Variants in FCHSD1 observed in about 807,000 individuals in gnomAD.
The protein encoded by FCHSD1 is FCH and double SH3 domains 1, also known as F-BAR and double SH3 domains protein 1.
FCHSD1 carries 109 observed loss-of-function variants against 101.3 expected under a neutral mutation model. The observed-to-expected ratio is 1.08, with a 90% CI of 0.92 to 1.26. The LOEUF (loss-of-function observed/expected upper bound fraction) is 1.26, where lower values mean the gene tolerates loss of function less well. FCHSD1 is among the 50% of genes most tolerant of loss of function. The probability of loss-of-function intolerance (pLI) is 0.00; values close to 1 mark genes in which losing one functional copy is unlikely to be tolerated. For missense variants in FCHSD1, 820 were observed against 895.8 expected (o/e 0.92, Z 1.08); for synonymous variants, 291 against 356.8 (o/e 0.82, Z 2.08).
rs2099906721 is a variant in FCHSD1, at chr5:141,640,450, GTC to G, written c.*1046_*1047del. 1 of 1,614,032 alleles carries G rather than the reference GTC, an allele frequency of 6.2e-7. No individual in the cohort carries two copies. The highest frequency in any genetic ancestry group is 8.5e-7 in the Non-Finnish European group (1 of 1,180,010). On this transcript the variant is annotated 3_prime_UTR_variant, in exon 20 of 20. Coordinates refer to ENST00000435817, the MANE Select transcript of FCHSD1 (RefSeq NM_033449.3). ...AGGGAGCAGGGAGTATGTGAGGTGAGTCTGCCTGAGCCCTAAATGAGGTAATC... is the reference window on the plus strand; with the variant it reads ...AGGGAGCAGGGAGTATGTGAGGTGAGTGCCTGAGCCCTAAATGAGGTAATC...
chr5:141,646,857 C>A, intron 10 of FCHSD1, 135 bp from the exon 11 acceptor site: 6 of 1,330,412 alleles, frequency 4.5e-6, no homozygotes, highest in Middle Eastern at 1.9e-4. Context: ...GTCATGGACA[C>A]AGGTAATGTG....
rs1364923848 is a variant in FCHSD1, at chr5:141,639,749, G to A, written c.*1749C>T. The stretch of plus-strand genomic sequence containing the variant: ...GCCTTGGCTCTTTCCTCCTGGACTG[G>A]GAGCTCCGGCAGAAGTCAGGCTACA... On this transcript the variant is annotated 3_prime_UTR_variant, in exon 20 of 20. Transcript: ENST00000435817. The surrounding 1 kb of genome is among the most constrained non-coding windows in gnomAD (Gnocchi z 4.4). The A allele has an allele frequency of 3.0e-6, 4 of 1,331,306 alleles. No individual in the cohort carries two copies. In the African/African-American group the frequency reaches 5.9e-5, roughly 20 times the overall value. 82.5% of individuals were successfully genotyped at this position (1,331,306 alleles called of 1,614,324 possible). A position where few individuals can be genotyped will look rare whatever the true frequency, so the allele number is the denominator to read the frequency against.
intron 18 of FCHSD1, chr5:141,642,494 C>T (rs748193836): frequency 4.9e-6 from 3 of 610,436 alleles, no homozygotes; most frequent in African/African-American, 1.9e-5. Context: ...AGCACATGTA[C>T]CTCCTGAATC....
At chr5:141,647,809 G>GGAGCAGAA (rs2099907850) in intron 8 of FCHSD1, 159 bp downstream of exon 8, 1 of 1,153,300 alleles carries the variant, frequency 8.7e-7, no homozygotes, top group Non-Finnish European at 1.2e-6. Flanking sequence ...ATGCCATGCA[G>GGAGCAGAA]CCAGCTAGGA....
intron 1 of FCHSD1, 61 bp downstream of exon 1, chr5:141,651,287 C>G: frequency 1.3e-6 from 2 of 1,550,162 alleles, no homozygotes; most frequent in Admixed American, 2.0e-5. Flanking sequence ...AAGTCGGATG[C>G]CCCCTTAGCT....
At position 141,649,247 on chromosome 5, in the gene FCHSD1, C is replaced by A. The variant is rs200855332; in HGVS notation, c.437G>T (p.Arg146Leu). Reference sequence around the variant, plus strand: ...CCGCTGCCCATACAGCTTCCGACTTCGGCTCAGCTCCCGGACAGACTGCAG... The same window carrying A: ...CCGCTGCCCATACAGCTTCCGACTTAGGCTCAGCTCCCGGACAGACTGCAG... ...EVLQSVRELS[R>L]SRKLYGQRER... is the part of the protein sequence containing the mutation. The change falls in exon 6 of 20, where the codon CGA becomes CTA. Residue 146 changes from arginine (R) to leucine (L), a missense_variant. By Grantham distance (102) the Arg-to-Leu change is moderately radical. Coordinates refer to ENST00000435817, the MANE Select transcript of FCHSD1 (RefSeq NM_033449.3). The surrounding 1 kb of genome is among the most constrained non-coding windows in gnomAD (Gnocchi z 4.1). The A allele has an allele frequency of 6.2e-7, 1 of 1,613,898 alleles. No homozygotes were observed. Among genetic ancestry groups the A allele is most frequent in the Non-Finnish European group, 8.5e-7 (1 of 1,179,908 alleles).
intron 17 of FCHSD1, 149 bp downstream of exon 17, chr5:141,644,069 T>C: frequency 1.3e-6 from 1 of 764,344 alleles, no homozygotes; most frequent in Non-Finnish European, 2.1e-6. Context: ...CCCTTTTCCC[T>C]GCCCCCCCAT....
At position 141,639,960 on chromosome 5, in the gene FCHSD1, G is replaced by A. The variant is rs202174311; in HGVS notation, c.*1538C>T. On this transcript the variant is annotated 3_prime_UTR_variant, in exon 20 of 20. Coordinates refer to ENST00000435817, the MANE Select transcript of FCHSD1 (RefSeq NM_033449.3). The surrounding 1 kb of genome is among the most constrained non-coding windows in gnomAD (Gnocchi z 4.4). ...CATTGAGAAGCGCTATGGACTGCACGAACACCGTGATGGCTCCCCCACAGA... is the reference window on the plus strand; with the variant it reads ...CATTGAGAAGCGCTATGGACTGCACAAACACCGTGATGGCTCCCCCACAGA... 264 of 1,614,028 alleles carry A rather than the reference G, an allele frequency of 1.6e-4. 1 individual carries two copies. In the Admixed American group the frequency reaches 2.2e-3, roughly 14 times the overall value.
rs755611664 is a variant in FCHSD1, at chr5:141,646,637, G to A, written c.1010C>T (p.Ala337Val). 1.2e-6 allele frequency: 2 copies of A among 1,613,244 alleles called. No individual in the cohort carries two copies. Among genetic ancestry groups the A allele is most frequent in the Non-Finnish European group, 1.7e-6 (2 of 1,179,678 alleles). ...ATGGTTCTGGATCTTGTAGTCACGG[G>A]CAGCTCGGCTGGTCAAGCGCTGAAC... is the stretch of plus-strand genomic sequence containing the variant. ...KEVQRLTSRA[A>V]RDYKIQNHGH... Residue 337 changes from alanine (A) to valine (V), a missense_variant, in exon 11 of 20, where the codon GCC (alanine) becomes GTC (valine). Physicochemically the swap from Ala to Val is moderately conservative, Grantham distance 64. Transcript: ENST00000435817.
Position 141,639,623 on chromosome 5 carries a change from G to C in FCHSD1, c.*1875C>G. On this transcript the variant is annotated 3_prime_UTR_variant, in exon 20 of 20. Coordinates refer to ENST00000435817, the MANE Select transcript of FCHSD1 (RefSeq NM_033449.3). This position sits in a 1 kb window ranked among gnomAD's most constrained non-coding sequence, Gnocchi z 4.4. ...AAGGAAAAAGCCGCCCCCGGACAGG[G>C]GAGACCACTGTGTTCTCTGTGGGCA... The C allele has an allele frequency of 6.2e-7, 1 of 1,611,966 alleles. No homozygotes were observed. The highest frequency in any genetic ancestry group is 2.2e-5 in the East Asian group (1 of 44,862).
In FCHSD1 at chr5:141,646,153, T is replaced by C. The variant is rs1237327636; in HGVS notation, c.1083A>G (p.Ser361=). Reference sequence around the variant, plus strand: ...GTTCTATGCTTGGAGCCTCCCGCTCTGAAGCCTGCTGCCGCCTCTGCTCCA... The same window carrying C: ...GTTCTATGCTTGGAGCCTCCCGCTCCGAAGCCTGCTGCCGCCTCTGCTCCA... The part of the protein sequence containing the change: ...QRLEQRRQQA[S]EREAPSIEQR... The change falls in exon 12 of 20, where the codon TCA becomes TCG. Residue 361 remains serine (S), a synonymous_variant. Transcript: ENST00000435817. 1 of 1,611,366 alleles carries C rather than the reference T, an allele frequency of 6.2e-7. No individual in the cohort carries two copies. Among genetic ancestry groups the C allele is most frequent in the Non-Finnish European group, 8.5e-7 (1 of 1,178,982 alleles).
intron 18 of FCHSD1, chr5:141,642,752 CT>C: frequency 1.8e-6 from 1 of 552,624 alleles, no homozygotes; most frequent in South Asian, 2.3e-5. Flanking sequence ...ATTCAATAAG[CT>C]AGTACCTTTT....
chr5:141,645,891 C>A lies in FCHSD1; in HGVS notation c.1191G>T (p.Gln397His). 6.3e-7 allele frequency: 1 copy of A among 1,580,674 alleles called. No individual in the cohort carries two copies. Among genetic ancestry groups the A allele is most frequent in the East Asian group, 2.3e-5 (1 of 43,124 alleles). ...VKGAARLALL[Q>H]GAGLDVERWL... is the part of the protein sequence containing the mutation. ...AGCGCTCCACATCTAAGCCAGCCCC[C>A]TGCAGCAGGGCCAGCCGGGCAGCCC... The change falls in exon 13 of 20, where the codon CAG (glutamine) becomes CAT (histidine). Residue 397 changes from glutamine (Q) to histidine (H), a missense_variant. Gln to His is a conservative substitution (Grantham distance 24). Coordinates refer to ENST00000435817, the MANE Select transcript of FCHSD1 (RefSeq NM_033449.3).
At chr5:141,646,451 G>C (rs2099907665) in intron 11 of FCHSD1, 152 bp downstream of exon 11, 9 of 1,250,878 alleles carry the variant, frequency 7.2e-6, no homozygotes, top group Non-Finnish European at 9.8e-6. Context: ...CAAAAACTGT[G>C]CTCTTAACTA....
chr5:141,645,001 TC>T lies in FCHSD1; in HGVS notation c.1440+18del. ...GTCCCCCACCCTTGCCCATCAGAGGTCCCCACCCCCATTCATACCTGATAGC... is the reference window on the plus strand; with the variant it reads ...GTCCCCCACCCTTGCCCATCAGAGGTCCCACCCCCATTCATACCTGATAGC... On this transcript the variant is annotated intron_variant, in intron 14 of 19. Transcript: ENST00000435817. The T allele has an allele frequency of 6.2e-7, 1 of 1,613,422 alleles. No individual in the cohort carries two copies. Among genetic ancestry groups the T allele is most frequent in the Non-Finnish European group, 8.5e-7 (1 of 1,179,594 alleles).
Position 141,641,693 on chromosome 5 carries a change from G to C in FCHSD1, c.2007+9C>G, listed in dbSNP as rs1052826450. On this transcript the variant is annotated intron_variant, in intron 19 of 19. Transcript: ENST00000435817. ...TACATACAATCTCCTCCAAGGCAAGGGCCCTTACCGGCCTGAGTCGAGGTG... is the reference window on the plus strand; with the variant it reads ...TACATACAATCTCCTCCAAGGCAAGCGCCCTTACCGGCCTGAGTCGAGGTG... The C allele has an allele frequency of 6.2e-7, 1 of 1,613,966 alleles. No homozygotes were observed. The highest frequency in any genetic ancestry group is 8.5e-7 in the Non-Finnish European group (1 of 1,179,888).
In FCHSD1 at chr5:141,644,872, T is replaced by C. The variant is rs1177422269; in HGVS notation, c.1511A>G (p.Asp504Gly). The C allele has an allele frequency of 1.2e-6, 2 of 1,613,700 alleles. No homozygotes were observed. Among genetic ancestry groups the C allele is most frequent in the Non-Finnish European group, 1.7e-6 (2 of 1,179,824 alleles). ...TCCCATACCCACCTTGACCCATTCG[T>C]CAGCATCTCCCTCCTCTATGACCTC... The part of the protein sequence containing the change: ...WLEVIEEGDA[D>G]EWVKARNQHG... The change falls in exon 15 of 20, where the codon GAC (aspartate) becomes GGC (glycine). Residue 504 changes from aspartate to glycine, a missense_variant. Asp to Gly is a moderately conservative substitution (Grantham distance 94). Coordinates refer to ENST00000435817, the MANE Select transcript of FCHSD1 (RefSeq NM_033449.3).
Position 141,641,900 on chromosome 5 carries a change from C to T in FCHSD1, c.1952-143G>A, listed in dbSNP as rs1596458039. 4.8e-6 allele frequency: 4 copies of T among 827,262 alleles called. No individual in the cohort carries two copies. The East Asian group carries it at 1.1e-4, about 22-fold the overall frequency. 51.2% of individuals were successfully genotyped at this position (827,262 alleles called of 1,614,324 possible). ...ACCATAAAATCCATCACTCTATCCA[C>T]TGTCCTCAACATTTATTGGGCAACT... On this transcript the variant is annotated intron_variant, in intron 18 of 19. Transcript: ENST00000435817.
chr5:141,641,529 G>C lies in FCHSD1; in HGVS notation c.2042C>G (p.Pro681Arg). ...RPPPPPPAKA[P>R]DPGHPDPLT ...GAGGGGATCTGGGTGGCCAGGATCC[G>C]GGGCTTTAGCCGGCGGGGGAGGTGG... The change falls in exon 20 of 20, where the codon CCG becomes CGG. Residue 681 changes from proline to arginine, a missense_variant. Transcript: ENST00000435817. The C allele has an allele frequency of 1.3e-6, 2 of 1,514,314 alleles. No homozygotes were observed. Among genetic ancestry groups the C allele is most frequent in the Non-Finnish European group, 1.8e-6 (2 of 1,130,354 alleles). The allele number at this position is 1,514,314 out of a possible 1,614,324, so 93.8% of individuals were successfully genotyped here. A position where few individuals can be genotyped will look rare whatever the true frequency, so the allele number is the denominator to read the frequency against.
Sources: allele counts gnomAD v4.1 joint callset, GRCh38; gene constraint gnomAD v4.1.1; non-coding constraint Gnocchi (gnomAD v3.1); transcripts MANE v1.5; gene names NCBI Gene and HGNC (gene_info 2026-07-23, HGNC 2026-07-21).